MSRA: variants seen among roughly 807,000 people sequenced by gnomAD.
MSRA encodes the protein methionine sulfoxide reductase A, also known as mitochondrial peptide methionine sulfoxide reductase.
A neutral mutation model predicts 31.3 loss-of-function variants in MSRA; 54 were observed. The observed-to-expected ratio is 1.73, with a 90% confidence interval of 1.39 to 2.17. The LOEUF is 2.17. Ranked by LOEUF, MSRA falls within the 30% of genes most tolerant of loss-of-function variation. The pLI is 0.00. For synonymous variants in MSRA, 169 were observed against 116.5 expected (o/e 1.45, Z -2.90); for missense variants, 507 against 300.9 (o/e 1.69, Z -5.07).
chr8:10,194,648 G>A (rs537019636), intron 1 of MSRA, among the ~76,000 whole-genome samples: 1 of 152,324 alleles, frequency 6.6e-6, no homozygotes, highest in Non-Finnish European at 1.5e-5. Context: ...CTATCTTGAG[G>A]CCTTCTAGGG....
chr8:10,197,024 G>T (rs1030087391), intron 1 of MSRA, among the ~76,000 whole-genome samples: 2 of 152,172 alleles, frequency 1.3e-5, no homozygotes, highest in African/African-American at 4.8e-5. Flanking sequence ...TTGGTCTATA[G>T]CCATGTGTTT....
intron 1 of MSRA, among the ~76,000 whole-genome samples, chr8:10,102,771 C>T (rs1009328001): frequency 2.0e-5 from 3 of 152,200 alleles, no homozygotes; most frequent in African/African-American, 4.8e-5. Flanking sequence ...AAGGGGGGCA[C>T]TCCCTCATTT....
chr8:10,231,590 T>C (rs1811479009), intron 2 of MSRA, among the ~76,000 whole-genome samples: 2 of 152,230 alleles, frequency 1.3e-5, no homozygotes, highest in South Asian at 2.1e-4. Context: ...TTGAACTATA[T>C]AGAAAGAGGC....
chr8:10,111,402 T>G (rs973566035), intron 1 of MSRA, among the ~76,000 whole-genome samples: 2 of 152,162 alleles, frequency 1.3e-5, no homozygotes, highest in African/African-American at 4.8e-5. Flanking sequence ...CTTGTCTTGT[T>G]TGTGAAAGCC....
intron 1 of MSRA, among the ~76,000 whole-genome samples, chr8:10,117,664 A>G (rs1486854297): frequency 6.6e-6 from 1 of 152,196 alleles, no homozygotes; most frequent in African/African-American, 2.4e-5. Flanking sequence ...CAATATGTGG[A>G]CTTGCCCATT....
intron 5 of MSRA, among the ~76,000 whole-genome samples, chr8:10,395,602 C>T (rs1243787145): frequency 1.3e-5 from 2 of 152,146 alleles, no homozygotes; most frequent in Non-Finnish European, 2.9e-5. Flanking sequence ...GTCCAGGCAG[C>T]ATCATGAATG....
chr8:10,219,424 A>G (rs1481287890), intron 2 of MSRA, among the ~76,000 whole-genome samples: 1 of 152,132 alleles, frequency 6.6e-6, no homozygotes, highest in Non-Finnish European at 1.5e-5. Flanking sequence ...TCTCATACAC[A>G]TCTCGTGTAT....
chr8:10,306,146 G>A (rs1027211887), intron 4 of MSRA, among the ~76,000 whole-genome samples: 1 of 152,090 alleles, frequency 6.6e-6, no homozygotes, highest in Admixed American at 6.6e-5. Context: ...TGAGATTTAG[G>A]AGTTTTGAGT....
chr8:10,255,907 C>T (rs918298700), intron 3 of MSRA, among the ~76,000 whole-genome samples: 1 of 152,016 alleles, frequency 6.6e-6, no homozygotes, highest in African/African-American at 2.4e-5. Flanking sequence ...AGAGAATTCC[C>T]ATCTATCCCA....
chr8:10,296,462 C>T (rs952592536), intron 3 of MSRA, among the ~76,000 whole-genome samples: 1 of 152,056 alleles, frequency 6.6e-6, no homozygotes, highest in Non-Finnish European at 1.5e-5. Context: ...TATTTTATTC[C>T]CATCTAAAAA....
At chr8:10,378,657 T>TTCAACAGCCAGTGATTC (rs1805884515) in intron 5 of MSRA, among the ~76,000 whole-genome samples, 1 of 152,222 alleles carries the variant, frequency 6.6e-6, no homozygotes, top group Admixed American at 6.5e-5. Flanking sequence ...ACAGAGGCCA[T>TTCAACAGCCAGTGATTC]TCAACAGCCA....
intron 2 of MSRA, among the ~76,000 whole-genome samples, chr8:10,234,286 A>G (rs900791780): frequency 5.9e-5 from 9 of 152,200 alleles, no homozygotes; most frequent in African/African-American, 2.2e-4. Context: ...TGTGTGTTAG[A>G]AGAAAATAAA....
intron 1 of MSRA, among the ~76,000 whole-genome samples, chr8:10,063,986 G>T (rs948813687): frequency 6.6e-6 from 1 of 152,216 alleles, no homozygotes; most frequent in Non-Finnish European, 1.5e-5. Context: ...TGCTCTTAGA[G>T]TTGGAGCTGG....
chr8:10,244,520 A>G (rs1797511094), intron 2 of MSRA, among the ~76,000 whole-genome samples: 1 of 152,158 alleles, frequency 6.6e-6, no homozygotes, highest in Non-Finnish European at 1.5e-5. Context: ...CGTTCATTAT[A>G]TCCAGAAATA....
At chr8:10,067,334 C>G (rs1427577553) in intron 1 of MSRA, among the ~76,000 whole-genome samples, 2 of 152,146 alleles carry the variant, frequency 1.3e-5, no homozygotes, top group African/African-American at 2.4e-5. Context: ...GCCTTCATGT[C>G]TTTTCCTGGT....
intron 1 of MSRA, among the ~76,000 whole-genome samples, chr8:10,058,351 G>C (rs201764466): frequency 6.6e-6 from 1 of 152,116 alleles, no homozygotes; most frequent in East Asian, 1.9e-4. Context: ...GAGAAGAGGA[G>C]ATCATAAAAA....
At chr8:10,069,924 CA>C (rs1411846447) in intron 1 of MSRA, among the ~76,000 whole-genome samples, 5 of 152,198 alleles carry the variant, frequency 3.3e-5, no homozygotes, top group African/African-American at 1.2e-4. Flanking sequence ...TGAAACATGA[CA>C]AAACCACACC....
chr8:10,292,315 G>A (rs759828347), intron 3 of MSRA, among the ~76,000 whole-genome samples: 4 of 152,214 alleles, frequency 2.6e-5, no homozygotes, highest in Non-Finnish European at 5.9e-5. Flanking sequence ...CGGCCCATAC[G>A]TCTTTATTAA....
At chr8:10,346,229 G>T (rs1803765645) in intron 5 of MSRA, among the ~76,000 whole-genome samples, 1 of 152,144 alleles carries the variant, frequency 6.6e-6, no homozygotes, top group African/African-American at 2.4e-5. Context: ...CCATTGCTTT[G>T]CTTATTCACT....
Sources: gnomAD v4.1 joint callset for allele counts (sites outside exome capture counted in the v4.1 genomes callset) on GRCh38, gnomAD v4.1.1 for gene constraint, MANE v1.5 for transcripts, NCBI Gene and HGNC (gene_info 2026-07-23, HGNC 2026-07-21) for gene names.